Variants in FNBP1 observed in about 807,000 individuals in gnomAD.
The protein encoded by FNBP1 is formin binding protein 1.
Under a neutral mutation model 90.6 loss-of-function variants are expected in FNBP1, and 26 were observed. That is an observed-to-expected ratio of 0.29 (90% CI 0.21 to 0.40). The LOEUF (loss-of-function observed/expected upper bound fraction) is 0.40, where lower values mean the gene tolerates loss of function less well. Among genes scored for constraint, FNBP1 ranks in the 10% least tolerant of loss-of-function variants. The pLI, the probability that FNBP1 is intolerant of heterozygous loss-of-function variation, is 1.00. For missense variants in FNBP1, 635 were observed against 768.0 expected, an observed-to-expected ratio of 0.83 and a Z score of 2.05; for synonymous variants, 260 against 265.2, an observed-to-expected ratio of 0.98 and a Z score of 0.19.
At chr9:129,930,628 T>G (rs1005911802) in intron 6 of FNBP1, among the ~76,000 whole-genome samples, 1 of 152,170 alleles carries the variant, frequency 6.6e-6, no homozygotes, top group Non-Finnish European at 1.5e-5. Flanking sequence ...TTCTGATTGA[T>G]CACATACCTA....
At chr9:129,962,454 A>C (rs1360609977) in intron 4 of FNBP1, among the ~76,000 whole-genome samples, 1 of 152,168 alleles carries the variant, frequency 6.6e-6, no homozygotes, top group Non-Finnish European at 1.5e-5. Flanking sequence ...GATAAAAACA[A>C]AGAGGTCCAC....
intron 4 of FNBP1, among the ~76,000 whole-genome samples, chr9:129,970,749 C>T (rs1006979148): frequency 6.6e-6 from 1 of 152,198 alleles, no homozygotes; most frequent in Admixed American, 6.6e-5. Context: ...TATAGGACCT[C>T]CTTGTCCAGG....
chr9:130,036,354 C>CA (rs1413481969), intron 1 of FNBP1, among the ~76,000 whole-genome samples: 1 of 152,014 alleles, frequency 6.6e-6, no homozygotes, highest in East Asian at 1.9e-4. Flanking sequence ...CATGTCTCAC[C>CA]AATGTAAAGC....
chr9:129,900,697 T>A lies in FNBP1; in HGVS notation c.1429-150A>T, dbSNP rs941595170. 5 of 806,168 alleles carry A rather than the reference T, an allele frequency of 6.2e-6. No individual in the cohort carries two copies. The African/African-American group carries it at 9.0e-5, about 14-fold the overall frequency. 49.9% of individuals were successfully genotyped at this position (806,168 alleles called of 1,614,324 possible). On this transcript the variant is annotated intron_variant, in intron 13 of 16. Coordinates refer to ENST00000446176, the MANE Select transcript of FNBP1 (RefSeq NM_015033.3). The surrounding 1 kb of genome is among the most constrained non-coding windows in gnomAD (Gnocchi z 4.1). Reference sequence around the variant, plus strand: ...CTACTCTTGGCCATTTAACCCAATGTGAGGAAGTCCACGTGGGGGCAGAAT... The same window carrying A: ...CTACTCTTGGCCATTTAACCCAATGAGAGGAAGTCCACGTGGGGGCAGAAT...
chr9:129,936,938 G>A (rs939915151), intron 6 of FNBP1, among the ~76,000 whole-genome samples: 1 of 152,188 alleles, frequency 6.6e-6, no homozygotes, highest in Admixed American at 6.5e-5. Context: ...GGGAGGCTGA[G>A]GCAGGTGGAT....
chr9:129,905,792 T>C (rs1193002851), intron 12 of FNBP1, among the ~76,000 whole-genome samples: 1 of 152,190 alleles, frequency 6.6e-6, no homozygotes, highest in Non-Finnish European at 1.5e-5. Flanking sequence ...ATATAGAATG[T>C]ATGTTAAAGT....
At chr9:130,005,498 C>T (rs141139359) in intron 1 of FNBP1, among the ~76,000 whole-genome samples, 1,645 of 151,910 alleles carry the variant, frequency 0.011, 20 homozygotes, top group Middle Eastern at 0.054. Flanking sequence ...CCCGCCACCA[C>T]ACCCGGCTAA....
At chr9:129,999,029 ATGAACTGCTGCAGCAC>A (rs1454892819) in intron 1 of FNBP1, among the ~76,000 whole-genome samples, 1 of 152,228 alleles carries the variant, frequency 6.6e-6, no homozygotes, top group Non-Finnish European at 1.5e-5. Flanking sequence ...TCACTATCAC[ATGAACTGCTGCAGCAC>A]TGACTTGACA....
intron 1 of FNBP1, among the ~76,000 whole-genome samples, chr9:130,016,079 C>G (rs537129846): frequency 6.6e-6 from 1 of 152,122 alleles, no homozygotes; most frequent in African/African-American, 2.4e-5. Context: ...GCATAAACTT[C>G]TTATATATTA....
At chr9:130,043,446 G>A (rs1485627273), upstream of FNBP1, among the ~76,000 whole-genome samples, 1 of 152,234 alleles carries the variant, frequency 6.6e-6, no homozygotes, top group Non-Finnish European at 1.5e-5. Context: ...ACCACTGTCT[G>A]CTCGCAGTAC....
At chr9:129,909,203 C>T (rs939199143) in intron 11 of FNBP1, 2 of 602,106 alleles carry the variant, frequency 3.3e-6, no homozygotes, top group Non-Finnish European at 5.9e-6. Flanking sequence ...ATTCCCAGTT[C>T]CATGGATGCT....
intron 4 of FNBP1, among the ~76,000 whole-genome samples, chr9:129,974,945 G>A (rs2050076872): frequency 6.6e-6 from 1 of 152,004 alleles, no homozygotes; most frequent in African/African-American, 2.4e-5. Flanking sequence ...CAGGTCAGGT[G>A]CAGTGGCTCA....
chr9:130,020,965 C>T (rs1354111651), intron 1 of FNBP1, among the ~76,000 whole-genome samples: 6 of 152,012 alleles, frequency 3.9e-5, no homozygotes, highest in Non-Finnish European at 7.4e-5. Context: ...ATACTCAGAT[C>T]CCTGCCTCTG....
intron 1 of FNBP1, among the ~76,000 whole-genome samples, chr9:130,036,938 G>A (rs1190140688): frequency 6.6e-6 from 1 of 152,014 alleles, no homozygotes; most frequent in Non-Finnish European, 1.5e-5. Flanking sequence ...CCAGCTACTC[G>A]GGAGGCTGAG....
In FNBP1 at chr9:130,008,232, C is replaced by T. The variant is rs917416076; in HGVS notation, c.25-13274G>A. 7.9e-5 allele frequency among the ~76,000 whole-genome samples: 12 copies of T among 151,712 alleles called. No homozygotes were observed. The East Asian group carries it at 1.6e-3, about 20-fold the overall frequency. On this transcript the variant is annotated intron_variant, in intron 1 of 16. Transcript: ENST00000446176. The stretch of plus-strand genomic sequence containing the variant: ...GGTGTGGTGTCATGCGCCTGTGGGT[C>T]CCACTACTTGGGAGGCTGAGGTGGG...
intron 1 of FNBP1, among the ~76,000 whole-genome samples, chr9:130,012,340 ATGCCT>A (rs2056719077): frequency 6.6e-6 from 1 of 152,190 alleles, no homozygotes; most frequent in Non-Finnish European, 1.5e-5. Context: ...TGCTTAGCAT[ATGCCT>A]GGCACATGGT....
chr9:130,019,299 C>CAA (rs377349862), intron 1 of FNBP1, among the ~76,000 whole-genome samples: 5 of 79,186 alleles, frequency 6.3e-5, no homozygotes, highest in Admixed American at 1.5e-4. Context: ...GACTCTGTCT[C>CAA]AAAAAAAAAA....
chr9:130,040,992 CTT>C (rs201186239), intron 1 of FNBP1, among the ~76,000 whole-genome samples: 27 of 145,916 alleles, frequency 1.9e-4, no homozygotes, highest in East Asian at 5.9e-4. Flanking sequence ...TTTCTTTTTT[CTT>C]TTTTCTTTTC....
chr9:129,950,796 C>A (rs1026706599), intron 6 of FNBP1, among the ~76,000 whole-genome samples: 2 of 151,884 alleles, frequency 1.3e-5, no homozygotes, highest in Non-Finnish European at 2.9e-5. Context: ...ACGACTTGTA[C>A]CTTTTTCTTT....
Sources: gnomAD v4.1 joint callset for allele counts (sites outside exome capture counted in the v4.1 genomes callset) on GRCh38, gnomAD v4.1.1 for gene constraint, Gnocchi (gnomAD v3.1) non-coding constraint, MANE v1.5 for transcripts, NCBI Gene and HGNC (gene_info 2026-07-23, HGNC 2026-07-21) for gene names.